Variants in SUGCT observed in about 807,000 individuals in gnomAD.
SUGCT encodes the protein succinyl-CoA:glutarate CoA-transferase.
Under a neutral mutation model 55.0 loss-of-function variants are expected in SUGCT, and 41 were observed. That is an observed-to-expected ratio of 0.74 (90% CI 0.58 to 0.97). SUGCT has a LOEUF of 0.97. Ranked by LOEUF, SUGCT falls within the 50% of genes least tolerant of loss-of-function variation. SUGCT has a pLI of 0.00. For synonymous variants in SUGCT, 187 were observed against 200.4 expected (o/e 0.93, Z 0.56); for missense variants, 568 against 547.8 (o/e 1.04, Z -0.37).
chr7:40,353,635 G>A (rs1455579645), intron 9 of SUGCT, among the ~76,000 whole-genome samples: 2 of 151,830 alleles, frequency 1.3e-5, no homozygotes, highest in African/African-American at 2.4e-5. Flanking sequence ...GGTCATTATG[G>A]TGTTATTTTT....
At chr7:40,862,692 T>C (rs1254440513), downstream of SUGCT, among the ~76,000 whole-genome samples, 1 of 151,950 alleles carries the variant, frequency 6.6e-6, no homozygotes, top group East Asian at 1.9e-4. Context: ...CGTTACAGAA[T>C]TGGAAGTGTG....
intron 9 of SUGCT, among the ~76,000 whole-genome samples, chr7:40,369,177 T>G (rs1008402227): frequency 6.6e-6 from 1 of 152,154 alleles, no homozygotes; most frequent in East Asian, 1.9e-4. Context: ...GTGATTCACA[T>G]GCAGTGAGAT....
intron 13 of SUGCT, among the ~76,000 whole-genome samples, chr7:40,809,526 T>C (rs1791293706): frequency 6.6e-6 from 1 of 152,190 alleles, no homozygotes; most frequent in African/African-American, 2.4e-5. Context: ...TACTTTAACC[T>C]AGTATGGTTA....
At chr7:40,487,253 T>C (rs1306199223) in intron 11 of SUGCT, among the ~76,000 whole-genome samples, 3 of 124,036 alleles carry the variant, frequency 2.4e-5, no homozygotes, top group Non-Finnish European at 3.3e-5. Context: ...CCCAGCTGTT[T>C]TTTTTTTTTT....
At chr7:40,941,741 G>A in the SUGCT span, among the ~76,000 whole-genome samples, 1 of 151,962 alleles carries the variant, frequency 6.6e-6, no homozygotes, top group Non-Finnish European at 1.5e-5. Flanking sequence ...TTATAAATCT[G>A]GGAGCTCCAG....
chr7:41,011,133 C>G, the SUGCT span, among the ~76,000 whole-genome samples: 1 of 152,158 alleles, frequency 6.6e-6, no homozygotes, highest in African/African-American at 2.4e-5. Flanking sequence ...TCTATAAGAA[C>G]ACTGGTTGAC....
In SUGCT at chr7:40,146,048, A is replaced by G. The variant is rs548904967; in HGVS notation, c.100+10928A>G. On this transcript the variant is annotated intron_variant, in intron 1 of 13. Coordinates refer to ENST00000335693, the MANE Select transcript of SUGCT (RefSeq NM_001193313.2). Reference sequence around the variant, plus strand: ...GTTAATGTTAAATCATCTTTTTCTAACAGAATAGCCTCATACTTTAAGGTT... The same window carrying G: ...GTTAATGTTAAATCATCTTTTTCTAGCAGAATAGCCTCATACTTTAAGGTT... Among the ~76,000 whole-genome samples the G allele has an allele frequency of 1.2e-3, 183 of 151,688 alleles. 2 individuals carry two copies. Among genetic ancestry groups the G allele is most frequent in the African/African-American group, 4.3e-3 (177 of 41,358 alleles).
intron 7 of SUGCT, among the ~76,000 whole-genome samples, chr7:40,248,873 C>T (rs1234681723): frequency 2.8e-5 from 4 of 142,436 alleles, no homozygotes; most frequent in South Asian, 2.2e-4. Context: ...CTCTTTCCAG[C>T]GCGCGCGCGC....
chr7:40,399,586 C>T (rs189864040), intron 9 of SUGCT, among the ~76,000 whole-genome samples: 37 of 152,262 alleles, frequency 2.4e-4, no homozygotes, highest in Non-Finnish European at 3.1e-4. Context: ...AAAGAGAATT[C>T]GTACCAAAAT....
intron 1 of SUGCT, 39 bp downstream of exon 1, chr7:40,135,159 C>T: frequency 4.0e-6 from 6 of 1,512,402 alleles, no homozygotes; most frequent in Non-Finnish European, 5.3e-6. Context: ...TAAAGGGATC[C>T]CTGCCCCAGC....
rs190020506 is a variant in SUGCT at position 40,720,821 on chromosome 7, G to A, written c.1090-28613G>A. 2.6e-3 allele frequency among the ~76,000 whole-genome samples: 392 copies of A among 152,244 alleles called. 4 individuals carry two copies. The highest frequency in any genetic ancestry group is 8.9e-3 in the African/African-American group (371 of 41,536). On this transcript the variant is annotated intron_variant, in intron 12 of 13. Coordinates refer to ENST00000335693, the MANE Select transcript of SUGCT (RefSeq NM_001193313.2). ...CTTTGAATGAGACTAAAAGATGCAC[G>A]GTGTTTTGACAACATGAAGAAAGCT...
intron 7 of SUGCT, among the ~76,000 whole-genome samples, chr7:40,265,958 A>C (rs1331542773): frequency 7.9e-6 from 1 of 127,240 alleles, no homozygotes; most frequent in African/African-American, 2.9e-5. Context: ...CTCAAAAAAA[A>C]CCACACACAC....
the SUGCT span, chr7:40,966,090 A>T: frequency 1.2e-4 from 19 of 152,252 alleles, no homozygotes; most frequent in Admixed American, 1.2e-3. Flanking sequence ...TTCAATAAAA[A>T]GTGGGCACTA....
chr7:40,713,473 G>C (rs1395591330), intron 12 of SUGCT, among the ~76,000 whole-genome samples: 2 of 152,146 alleles, frequency 1.3e-5, no homozygotes, highest in African/African-American at 4.8e-5. Context: ...TACATCCATG[G>C]TCAGGGTGTT....
At chr7:40,980,430 A>T in the SUGCT span, among the ~76,000 whole-genome samples, 3 of 152,152 alleles carry the variant, frequency 2.0e-5, no homozygotes, top group Admixed American at 6.5e-5. Flanking sequence ...TAGCCGCAAA[A>T]GTCTTAACTG....
At chr7:40,393,047 G>A (rs1406049994) in intron 9 of SUGCT, among the ~76,000 whole-genome samples, 1 of 152,174 alleles carries the variant, frequency 6.6e-6, no homozygotes, top group Non-Finnish European at 1.5e-5. Context: ...AACAGAAATT[G>A]ACCATATGAG....
intron 13 of SUGCT, among the ~76,000 whole-genome samples, chr7:40,759,400 G>GGT (rs1584397000): frequency 1.3e-5 from 2 of 152,008 alleles, no homozygotes. Context: ...GTCTATATAT[G>GGT]GTATATATAT....
At chr7:40,177,014 A>G (rs898044924) in intron 1 of SUGCT, among the ~76,000 whole-genome samples, 5 of 151,734 alleles carry the variant, frequency 3.3e-5, no homozygotes, top group African/African-American at 9.7e-5. Flanking sequence ...TTGAACAAAT[A>G]TGCATGCCCT....
intron 7 of SUGCT, among the ~76,000 whole-genome samples, chr7:40,258,843 A>C (rs529786417): frequency 2.0e-5 from 3 of 152,210 alleles, no homozygotes; most frequent in African/African-American, 7.2e-5. Flanking sequence ...CATATACTCA[A>C]GCGAAATGAA....
Sources: gnomAD v4.1 joint callset for allele counts (sites outside exome capture counted in the v4.1 genomes callset) on GRCh38, gnomAD v4.1.1 for gene constraint, MANE v1.5 for transcripts, NCBI Gene and HGNC (gene_info 2026-07-23, HGNC 2026-07-21) for gene names.